The following SNX5 variants were observed in gnomAD, a reference collection of about 807,000 sequenced individuals.
The protein encoded by SNX5 is sorting nexin 5.
SNX5 carries 31 observed loss-of-function variants against 53.9 expected under a neutral mutation model. The observed-to-expected ratio is 0.58, with a 90% CI of 0.43 to 0.78. The LOEUF (loss-of-function observed/expected upper bound fraction) is 0.78, where lower values mean the gene tolerates loss of function less well. Ranked by LOEUF, SNX5 falls within the 30% of genes least tolerant of loss-of-function variation. The pLI is 0.00. For missense variants in SNX5, 471 were observed against 478.8 expected, an observed-to-expected ratio of 0.98 and a Z score of 0.15; for synonymous variants, 168 against 171.1, an observed-to-expected ratio of 0.98 and a Z score of 0.14.
At chr20:17,950,526 A>G (rs2039552121) in intron 6 of SNX5, 130 bp from the exon 7 acceptor site, 1 of 597,320 alleles carries the variant, frequency 1.7e-6, no homozygotes, top group African/African-American at 1.9e-5. Flanking sequence ...TAACCTCTAC[A>G]GATCAGGGAA....
At chr20:17,968,047 A>G in intron 1 of SNX5, 1 of 398,610 alleles carries the variant, frequency 2.5e-6, no homozygotes, top group South Asian at 1.3e-4. Context: ...CCTACTGGTC[A>G]CCACGAAGCC....
chr20:17,960,725 C>A, intron 1 of SNX5, among the ~76,000 whole-genome samples: 1 of 144,116 alleles, frequency 6.9e-6, no homozygotes, highest in South Asian at 2.3e-4. Context: ...TGCAGTGAGC[C>A]AAGATCGCAC....
In SNX5 at chr20:17,941,948, G is replaced by C. The variant is rs997299785; in HGVS notation, c.*409C>G. The C allele has an allele frequency of 6.0e-6, 1 of 166,620 alleles. No homozygotes were observed. Among genetic ancestry groups the C allele is most frequent in the African/African-American group, 2.4e-5 (1 of 41,638 alleles). 10.3% of individuals were successfully genotyped at this position (166,620 alleles called of 1,614,324 possible). A position where few individuals can be genotyped will look rare whatever the true frequency, so the allele number is the denominator to read the frequency against. ...CCCCACCTTCAGTGAGGAATGGAAG[G>C]TCTGTTACCGACCTCAAGTAGCTGA... On this transcript the variant is annotated 3_prime_UTR_variant, in exon 13 of 13. Transcript: ENST00000377759.
rs761872888 is a variant in SNX5 at position 17,955,470 on chromosome 20, T to C, written c.162A>G (p.Thr54=). 4 of 1,613,094 alleles carry C rather than the reference T, an allele frequency of 2.5e-6. No individual in the cohort carries two copies. Among genetic ancestry groups the C allele is most frequent in the East Asian group, 4.5e-5 (2 of 44,870 alleles). The stretch of plus-strand genomic sequence containing the variant: ...ACTCTGGGCTCTGAAACGTGGGCAG[T>C]GTGGTCTGTAAAGAAAGAAAGAAGT... The part of the protein sequence containing the change: ...KVKFTVHTKT[T]LPTFQSPEFS... The change falls in exon 3 of 13, where the codon ACA becomes ACG. Residue 54 remains threonine (T), a synonymous_variant. Transcript: ENST00000377759.
At chr20:17,948,612 T>C (rs929787826) in intron 10 of SNX5, among the ~76,000 whole-genome samples, 1 of 152,206 alleles carries the variant, frequency 6.6e-6, no homozygotes, top group African/African-American at 2.4e-5. Flanking sequence ...TGCAATTCAA[T>C]AAAAACTCCC....
chr20:17,959,019 CA>C (rs2035408362), intron 1 of SNX5, among the ~76,000 whole-genome samples: 1 of 152,152 alleles, frequency 6.6e-6, no homozygotes. Flanking sequence ...TCCCAGAGCT[CA>C]AAAACTGCCA....
rs536264072 is a variant in SNX5, at chr20:17,968,418, G to C, written c.8C>G (p.Ala3Gly). The C allele has an allele frequency of 7.8e-7, 1 of 1,288,910 alleles. No homozygotes were observed. The highest frequency in any genetic ancestry group is 1.5e-5 in the African/African-American group (1 of 64,736). The allele number at this position is 1,288,910 out of a possible 1,614,324, so 79.8% of individuals were successfully genotyped here. The change falls in exon 1 of 13, where the codon GCG becomes GGG. Residue 3 changes from alanine (A) to glycine (G), a missense_variant. Physicochemically the swap from Ala to Gly is moderately conservative, Grantham distance 60. Transcript: ENST00000377759. Reference sequence around the variant, plus strand: ...CTGCTGCTGCAGCAACTCGGGAACCGCGGCCATGGCGACGCGGGACTCGAG... The same window carrying C: ...CTGCTGCTGCAGCAACTCGGGAACCCCGGCCATGGCGACGCGGGACTCGAG... The part of the protein sequence containing the change: MA[A>G]VPELLQQQEE...
At chr20:17,960,331 C>T (rs1051678274) in intron 1 of SNX5, among the ~76,000 whole-genome samples, 4 of 152,142 alleles carry the variant, frequency 2.6e-5, no homozygotes, top group Non-Finnish European at 5.9e-5. Flanking sequence ...CACGGTGGCT[C>T]ACGCCTGTAA....
chr20:17,960,586 C>T (rs187174921), intron 1 of SNX5, among the ~76,000 whole-genome samples: 24 of 148,818 alleles, frequency 1.6e-4, no homozygotes, highest in African/African-American at 6.0e-4. Flanking sequence ...GAGAGCGAAA[C>T]TCCGTCTTAA....
At position 17,968,449 on chromosome 20, in the gene SNX5, G is replaced by A. The variant is rs760521878; in HGVS notation, c.-24C>T. 1.5e-5 allele frequency: 19 copies of A among 1,289,588 alleles called. No homozygotes were observed. The highest frequency in any genetic ancestry group is 1.9e-5 in the Non-Finnish European group (19 of 1,016,218). The allele number at this position is 1,289,588 out of a possible 1,614,324, so 79.9% of individuals were successfully genotyped here. On this transcript the variant is annotated 5_prime_UTR_variant, in exon 1 of 13. Coordinates refer to ENST00000377759, the MANE Select transcript of SNX5 (RefSeq NM_014426.4). ...ATGGCGACGCGGGACTCGAGCAGGG[G>A]CCGCCTGGCTGTGCGAGGAAAGAAG...
chr20:17,952,563 C>G lies in SNX5; in HGVS notation c.513+24G>C, dbSNP rs372496892. 7.5e-6 allele frequency: 12 copies of G among 1,606,212 alleles called. No individual in the cohort carries two copies. The African/African-American group carries it at 1.6e-4, about 22-fold the overall frequency. ...AGTATAAACATTTGAAGTGGATTATCAAAATGGAATAAAAATGCCTTACAT... is the reference window on the plus strand; with the variant it reads ...AGTATAAACATTTGAAGTGGATTATGAAAATGGAATAAAAATGCCTTACAT... On this transcript the variant is annotated intron_variant, in intron 5 of 12. Transcript: ENST00000377759.
intron 1 of SNX5, among the ~76,000 whole-genome samples, chr20:17,959,581 T>C (rs989272172): frequency 6.6e-6 from 1 of 152,310 alleles, no homozygotes; most frequent in South Asian, 2.1e-4. Context: ...AATGTTGTAT[T>C]TGGGCCTTAA....
At position 17,941,833 on chromosome 20, in the gene SNX5, T is replaced by C. The variant is rs540519922; in HGVS notation, c.*524A>G. 3 of 153,522 alleles carry C rather than the reference T, an allele frequency of 2.0e-5. No individual in the cohort carries two copies. The highest frequency in any genetic ancestry group is 1.9e-4 in the East Asian group (1 of 5,210). The allele number at this position is 153,522 out of a possible 1,614,324, so 9.5% of individuals were successfully genotyped here. On this transcript the variant is annotated 3_prime_UTR_variant, in exon 13 of 13. Transcript: ENST00000377759. ...CTAAAAAAAGGAGGTGCAAAGAGTA[T>C]ATAAAGATAAATGAGATTTTCTTGC... is the stretch of plus-strand genomic sequence containing the variant.
intron 2 of SNX5, 77 bp downstream of exon 2, chr20:17,956,856 G>A: frequency 2.5e-6 from 2 of 801,564 alleles, no homozygotes; most frequent in Admixed American, 1.7e-5. Context: ...CAAGCTCAGG[G>A]AATCTCTTCT....
intron 1 of SNX5, 107 bp downstream of exon 1, chr20:17,968,268 G>A (rs2035598195): frequency 3.1e-6 from 3 of 959,634 alleles, no homozygotes; most frequent in Non-Finnish European, 4.1e-6. Flanking sequence ...CCGCGCTGGG[G>A]ATGGCGGCGA....
intron 1 of SNX5, among the ~76,000 whole-genome samples, chr20:17,966,496 C>G (rs150917500): frequency 1.3e-5 from 2 of 152,306 alleles, no homozygotes; most frequent in East Asian, 3.9e-4. Context: ...AACCCCAACA[C>G]CCTCGGCTAA....
At chr20:17,944,683 C>A (rs2039462939) in intron 11 of SNX5, 1 of 152,068 alleles carries the variant, frequency 6.6e-6, no homozygotes, top group Admixed American at 6.5e-5. Flanking sequence ...GTAGCTGGGA[C>A]TACAGGCGCC....
At chr20:17,964,021 G>A (rs1568598299) in intron 1 of SNX5, among the ~76,000 whole-genome samples, 1 of 152,138 alleles carries the variant, frequency 6.6e-6, no homozygotes, top group South Asian at 2.1e-4. Flanking sequence ...CCTGAGCTCA[G>A]GAGTTCGATA....
At chr20:17,962,990 A>G in intron 1 of SNX5, 1 of 462,652 alleles carries the variant, frequency 2.2e-6, no homozygotes, top group Non-Finnish European at 4.3e-6. Flanking sequence ...ATGGAACCAG[A>G]GTTAAATTAC....
Sources: allele counts gnomAD v4.1 joint callset (sites outside exome capture counted in the v4.1 genomes callset), GRCh38; gene constraint gnomAD v4.1.1; transcripts MANE v1.5; gene names NCBI Gene and HGNC (gene_info 2026-07-23, HGNC 2026-07-21).